Variants in ST7 observed in about 807,000 individuals in gnomAD.
The protein encoded by ST7 is suppression of tumorigenicity 7, also known as suppressor of tumorigenicity 7 protein.
In ST7, 28 loss-of-function variants were observed where a neutral mutation model predicts 78.7. The ratio of observed to expected loss-of-function variants is 0.36; its 90% CI spans 0.26 to 0.49. The LOEUF is 0.49. Among genes scored for constraint, ST7 ranks in the 20% least tolerant of loss-of-function variants. ST7 has a pLI of 0.99. For synonymous variants in ST7, 247 were observed against 249.6 expected, an observed-to-expected ratio of 0.99 and a Z score of 0.10; for missense variants, 418 against 696.0, an observed-to-expected ratio of 0.60 and a Z score of 4.49.
chr7:117,141,356 A>G (rs1369688997), intron 9 of ST7, among the ~76,000 whole-genome samples: 2 of 151,344 alleles, frequency 1.3e-5, no homozygotes, highest in Non-Finnish European at 3.0e-5. Context: ...AAGAGATTCT[A>G]AAAAAAAATG....
At chr7:117,031,294 CCT>C (rs1298351879) in intron 1 of ST7, among the ~76,000 whole-genome samples, 6 of 151,614 alleles carry the variant, frequency 4.0e-5, no homozygotes, top group African/African-American at 1.5e-4. Context: ...ACATCAAACC[CCT>C]GAGTCACGAG....
chr7:117,193,854 A>G (rs975144838), intron 12 of ST7, among the ~76,000 whole-genome samples: 13 of 152,234 alleles, frequency 8.5e-5, no homozygotes, highest in Non-Finnish European at 1.8e-4. Context: ...AATAACTGAG[A>G]ACTGACTTCC....
intron 10 of ST7, among the ~76,000 whole-genome samples, chr7:117,175,383 A>T (rs956013784): frequency 1.3e-5 from 2 of 152,224 alleles, no homozygotes; most frequent in Non-Finnish European, 2.9e-5. Context: ...GAGTGTGGAA[A>T]AGAATTCATA....
chr7:117,221,116 C>G (rs1328643893), intron 14 of ST7, among the ~76,000 whole-genome samples: 1 of 152,196 alleles, frequency 6.6e-6, no homozygotes, highest in African/African-American at 2.4e-5. Flanking sequence ...CTCAGGCAGC[C>G]TCATCATGAG....
intron 1 of ST7, among the ~76,000 whole-genome samples, chr7:117,047,878 A>G (rs1177343321): frequency 6.6e-6 from 1 of 152,132 alleles, no homozygotes; most frequent in Non-Finnish European, 1.5e-5. Flanking sequence ...TATACAGTTG[A>G]CCCTTGAACA....
intron 1 of ST7, among the ~76,000 whole-genome samples, chr7:117,080,009 C>G (rs976372141): frequency 2.9e-5 from 3 of 104,336 alleles, no homozygotes; most frequent in Admixed American, 1.6e-4. Flanking sequence ...GAGACGGAGT[C>G]TCGCTCTGTC....
chr7:116,991,266 C>G (rs1794415015), intron 1 of ST7, among the ~76,000 whole-genome samples: 1 of 152,160 alleles, frequency 6.6e-6, no homozygotes, highest in South Asian at 2.1e-4. Context: ...AAGCAGGGCT[C>G]TCTGCTTGAA....
chr7:117,031,368 GTATATGTGTGTATATATGTGTA>G (rs1438279075), intron 1 of ST7, among the ~76,000 whole-genome samples: 1 of 111,552 alleles, frequency 9.0e-6, no homozygotes, highest in Non-Finnish European at 2.2e-5. Context: ...GTGTGTGTGT[GTATATGTGTGTATATATGTGTA>G]TATATGTGCA....
At chr7:117,066,090 A>C (rs1178022190) in intron 1 of ST7, among the ~76,000 whole-genome samples, 1 of 152,146 alleles carries the variant, frequency 6.6e-6, no homozygotes, top group Non-Finnish European at 1.5e-5. Flanking sequence ...TTCCTAAACT[A>C]AGTCCTCCTG....
At chr7:117,104,925 C>CGGGG (rs1238304206) in intron 2 of ST7, among the ~76,000 whole-genome samples, 2 of 152,034 alleles carry the variant, frequency 1.3e-5, no homozygotes, top group African/African-American at 4.8e-5. Flanking sequence ...GGTTAAGAAG[C>CGGGG]TTATATATGA....
intron 11 of ST7, 116 bp downstream of exon 11, chr7:117,189,509 G>GGGT: frequency 1.5e-6 from 1 of 669,516 alleles, no homozygotes; most frequent in Non-Finnish European, 2.3e-6. Context: ...TTATAAGCAT[G>GGGT]CATTTTCCAA....
At chr7:117,010,989 G>A (rs907258981) in intron 1 of ST7, among the ~76,000 whole-genome samples, 1 of 152,198 alleles carries the variant, frequency 6.6e-6, no homozygotes, top group Non-Finnish European at 1.5e-5. Flanking sequence ...TCTGTGTCCA[G>A]CTGTCTCAAT....
chr7:117,200,785 A>G (rs949692066), intron 12 of ST7, among the ~76,000 whole-genome samples: 3 of 150,826 alleles, frequency 2.0e-5, no homozygotes, highest in African/African-American at 7.3e-5. Flanking sequence ...GAAGAGTGTT[A>G]TGACAGAAAT....
chr7:117,152,977 T>C (rs1227304241), intron 9 of ST7, among the ~76,000 whole-genome samples: 1 of 152,168 alleles, frequency 6.6e-6, no homozygotes, highest in Non-Finnish European at 1.5e-5. Flanking sequence ...GTTCAAATGT[T>C]CTGGGTTTAA....
At chr7:117,226,775 G>T (rs754711762) in intron 15 of ST7, among the ~76,000 whole-genome samples, 1 of 152,116 alleles carries the variant, frequency 6.6e-6, no homozygotes, top group African/African-American at 2.4e-5. Context: ...ACTGGGGCTC[G>T]TGGGAGAGTA....
chr7:117,064,832 C>A (rs1798546408), intron 1 of ST7, among the ~76,000 whole-genome samples: 1 of 152,110 alleles, frequency 6.6e-6, no homozygotes, highest in Non-Finnish European at 1.5e-5. Flanking sequence ...GAAGTGCGTG[C>A]CATGGAACAG....
At position 117,202,241 on chromosome 7, in the gene ST7, C is replaced by T. The variant is rs190459680; in HGVS notation, c.1255-7546C>T. On this transcript the variant is annotated intron_variant, in intron 12 of 15. Transcript: ENST00000323984. ...CCTCCCAAAGTGCTGGGATTACAGG[C>T]GTGAGCCACCGCGCCCGGCCTCGAA... 2.0e-5 allele frequency among the ~76,000 whole-genome samples: 3 copies of T among 149,522 alleles called. 1 individual carries two copies. Among genetic ancestry groups the T allele is most frequent in the Non-Finnish European group, 3.0e-5 (2 of 67,364 alleles).
chr7:117,192,082 C>T (rs866409410), intron 12 of ST7, among the ~76,000 whole-genome samples: 2 of 152,132 alleles, frequency 1.3e-5, no homozygotes, highest in Middle Eastern at 6.8e-3. Context: ...TGGGTAATGA[C>T]CAACATAGTA....
In ST7 at chr7:117,200,538, C is replaced by A. The variant is rs115240492; in HGVS notation, c.1255-9249C>A. On this transcript the variant is annotated intron_variant, in intron 12 of 15. Transcript: ENST00000323984. ...CTTAATCTTGCCCCAAATCCCAGAACCAGTAAACCATCTGCTGTCCTCACT... is the reference window on the plus strand; with the variant it reads ...CTTAATCTTGCCCCAAATCCCAGAAACAGTAAACCATCTGCTGTCCTCACT... Among the ~76,000 whole-genome samples the A allele has an allele frequency of 4.0e-3, 612 of 152,258 alleles. 6 individuals carry two copies. Among genetic ancestry groups the A allele is most frequent in the African/African-American group, 0.014 (579 of 41,548 alleles).
Sources: gnomAD v4.1 joint callset for allele counts (sites outside exome capture counted in the v4.1 genomes callset) on GRCh38, gnomAD v4.1.1 for gene constraint, MANE v1.5 for transcripts, NCBI Gene and HGNC (gene_info 2026-07-23, HGNC 2026-07-21) for gene names.